Variants in SKOR2 observed in about 807,000 individuals in gnomAD.
The protein encoded by SKOR2 is LBX1 corepressor 1-like protein.
Under a neutral mutation model 69.1 loss-of-function variants are expected in SKOR2, and 47 were observed. The ratio of observed to expected loss-of-function variants is 0.68; its 90% CI spans 0.54 to 0.87. The LOEUF (loss-of-function observed/expected upper bound fraction) is 0.87, where lower values mean the gene tolerates loss of function less well. Ranked by LOEUF, SKOR2 falls within the 40% of genes least tolerant of loss-of-function variation. The pLI is 0.00. For missense variants in SKOR2, 1,404 were observed against 1,472.2 expected, an observed-to-expected ratio of 0.95 and a Z score of 0.76; for synonymous variants, 717 against 672.6, an observed-to-expected ratio of 1.07 and a Z score of -1.02.
chr18:47,236,750 T>C (rs983503692), intron 4 of SKOR2, among the ~76,000 whole-genome samples: 1 of 152,144 alleles, frequency 6.6e-6, no homozygotes, highest in African/African-American at 2.4e-5. Flanking sequence ...AAAACAGATA[T>C]TGTCTAAGCC....
chr18:47,216,492 C>A (rs1040008688), intron 7 of SKOR2, among the ~76,000 whole-genome samples: 4 of 152,054 alleles, frequency 2.6e-5, no homozygotes, highest in Non-Finnish European at 4.4e-5. Flanking sequence ...TATAAAGACA[C>A]AAAGAGAGTC....
intron 4 of SKOR2, among the ~76,000 whole-genome samples, chr18:47,237,832 G>A (rs2064231293): frequency 6.6e-6 from 1 of 151,666 alleles, no homozygotes; most frequent in Non-Finnish European, 1.5e-5. Flanking sequence ...GAGTAGCTGT[G>A]CCACTATGCC....
intron 4 of SKOR2, among the ~76,000 whole-genome samples, chr18:47,240,699 AATG>A (rs1452021363): frequency 6.6e-6 from 1 of 152,236 alleles, no homozygotes; most frequent in African/African-American, 2.4e-5. Context: ...ACTTAATTAA[AATG>A]ATGAACTAAA....
At chr18:47,241,922 A>C (rs991921849) in intron 4 of SKOR2, among the ~76,000 whole-genome samples, 4 of 152,178 alleles carry the variant, frequency 2.6e-5, no homozygotes, top group African/African-American at 9.6e-5. Context: ...AGGGACTAGC[A>C]ATATTTCAAT....
chr18:47,237,638 T>C (rs2064229912), intron 4 of SKOR2, among the ~76,000 whole-genome samples: 1 of 152,096 alleles, frequency 6.6e-6, no homozygotes. Context: ...AAATGTGGCA[T>C]TCACCCATCC....
At chr18:47,234,772 A>G (rs944818863) in intron 4 of SKOR2, among the ~76,000 whole-genome samples, 2 of 151,514 alleles carry the variant, frequency 1.3e-5, no homozygotes, top group Non-Finnish European at 2.9e-5. Context: ...GAGGTAGGAG[A>G]ATCGCTTGAA....
chr18:47,250,078 T>C (rs2064305998), intron 1 of SKOR2, among the ~76,000 whole-genome samples: 1 of 152,144 alleles, frequency 6.6e-6, no homozygotes, highest in Non-Finnish European at 1.5e-5. Context: ...CCAGAAACAG[T>C]ACACAGGAAT....
intron 8 of SKOR2, among the ~76,000 whole-genome samples, chr18:47,210,841 G>A (rs2144473551): frequency 6.6e-6 from 1 of 151,968 alleles, no homozygotes; most frequent in East Asian, 1.9e-4. Context: ...TTAGGAAGAG[G>A]CAGGCACTAG....
rs1459601526 is a variant in SKOR2, at chr18:47,248,271, G to A, written c.913C>T (p.His305Tyr). ...LAELAGAPHA[H>Y]HKRPRFDDDD... ...TCGTCGAAGCGCGGCCGCTTGTGAT[G>A]GGCGTGCGGGGCACCAGCCAGCTCT... is the stretch of plus-strand genomic sequence containing the variant. Residue 305 changes from histidine to tyrosine, a missense_variant, in exon 2 of 9, where the codon CAT becomes TAT. By Grantham distance (83) the His-to-Tyr change is moderately conservative. Coordinates refer to ENST00000425639, the MANE Select transcript of SKOR2 (RefSeq NM_001278063.4). The surrounding 1 kb of genome is among the most constrained non-coding windows in gnomAD (Gnocchi z 6.4). The A allele has an allele frequency of 3.3e-6, 4 of 1,216,882 alleles. No homozygotes were observed. Among genetic ancestry groups the A allele is most frequent in the Non-Finnish European group, 4.1e-6 (4 of 980,462 alleles). 75.4% of individuals were successfully genotyped at this position (1,216,882 alleles called of 1,614,324 possible).
Position 47,248,736 on chromosome 18 carries a change from C to G in SKOR2, c.448G>C (p.Glu150Gln). 6.4e-7 allele frequency: 1 copy of G among 1,552,892 alleles called. No homozygotes were observed. Among genetic ancestry groups the G allele is most frequent in the South Asian group, 1.2e-5 (1 of 85,434 alleles). ...CTGCCGCGGCAGCCCCAGGCGCACTCGTGTGACACGTCGAAGGCGAAATTG... is the reference window on the plus strand; with the variant it reads ...CTGCCGCGGCAGCCCCAGGCGCACTGGTGTGACACGTCGAAGGCGAAATTG... Reference protein sequence around the residue: ...PDNFAFDVSHECAWGCRGSFI... With the variant: ...PDNFAFDVSHQCAWGCRGSFI... The change falls in exon 2 of 9, where the codon GAG (glutamate) becomes CAG (glutamine). Residue 150 changes from glutamate to glutamine, a missense_variant. By Grantham distance (29) the Glu-to-Gln change is conservative (BLOSUM62 2). Transcript: ENST00000425639. The surrounding 1 kb of genome is among the most constrained non-coding windows in gnomAD (Gnocchi z 6.4).
chr18:47,247,639 C>T lies in SKOR2; in HGVS notation c.1545G>A (p.Glu515=). 7.4e-7 allele frequency: 1 copy of T among 1,350,880 alleles called. No individual in the cohort carries two copies. Among genetic ancestry groups the T allele is most frequent in the East Asian group, 3.1e-5 (1 of 31,852 alleles). 83.7% of individuals were successfully genotyped at this position (1,350,880 alleles called of 1,614,324 possible). Residue 515 remains glutamate (E), a synonymous_variant, in exon 2 of 9, where the codon GAG becomes GAA. Coordinates refer to ENST00000425639, the MANE Select transcript of SKOR2 (RefSeq NM_001278063.4). This position sits in a 1 kb window ranked among gnomAD's most constrained non-coding sequence, Gnocchi z 6.6. ...CGGCGCTCCCAGCAGCACCGCCTGGCTCAGCCAGGTCCAGGAAGGCCTGGC... is the reference window on the plus strand; with the variant it reads ...CGGCGCTCCCAGCAGCACCGCCTGGTTCAGCCAGGTCCAGGAAGGCCTGGC... ...LLRQAFLDLA[E]PGGAAGSAEA... is the part of the protein sequence containing the mutation.
intron 3 of SKOR2, 112 bp downstream of exon 3, chr18:47,245,386 G>C: frequency 8.1e-6 from 8 of 982,158 alleles, no homozygotes; most frequent in Non-Finnish European, 1.1e-5. Context: ...CAAATCAATG[G>C]TTAAAAACAG....
At chr18:47,209,147 A>T (rs1297031466) in intron 8 of SKOR2, among the ~76,000 whole-genome samples, 1 of 150,696 alleles carries the variant, frequency 6.6e-6, no homozygotes, top group Admixed American at 6.6e-5. Flanking sequence ...GTTCTAATGT[A>T]GGACAAAAAA....
intron 4 of SKOR2, 108 bp from the exon 5 acceptor site, chr18:47,231,108 TG>T (rs1429545708): frequency 1.9e-5 from 29 of 1,535,718 alleles, no homozygotes; most frequent in Non-Finnish European, 2.4e-5. Context: ...TAATATAACC[TG>T]AAATTGGAAG....
Position 47,247,341 on chromosome 18 carries a change from C to T in SKOR2, c.1843G>A (p.Gly615Ser). 6.8e-7 allele frequency: 1 copy of T among 1,473,988 alleles called. No homozygotes were observed. 91.3% of individuals were successfully genotyped at this position (1,473,988 alleles called of 1,614,324 possible). A position where few individuals can be genotyped will look rare whatever the true frequency, so the allele number is the denominator to read the frequency against. Reference sequence around the variant, plus strand: ...GCGCTGGAATGGTGGTAGCTGCCACCGCCCGCTTTGCGCCCCTCCAGAAGG... The same window carrying T: ...GCGCTGGAATGGTGGTAGCTGCCACTGCCCGCTTTGCGCCCCTCCAGAAGG... ...PHLLEGRKAG[G>S]GSYHHSSAFR... is the part of the protein sequence containing the mutation. Residue 615 changes from glycine to serine, a missense_variant, in exon 2 of 9, where the codon GGT (glycine) becomes AGT (serine). Gly to Ser is a moderately conservative substitution (Grantham distance 56, BLOSUM62 0). Around this residue, in one of 3 missense-constraint regions of SKOR2, gnomAD observed 1,266 missense variants for 1,309.9 expected, o/e 0.97. Coordinates refer to ENST00000425639, the MANE Select transcript of SKOR2 (RefSeq NM_001278063.4). This position sits in a 1 kb window ranked among gnomAD's most constrained non-coding sequence, Gnocchi z 6.6.
intron 4 of SKOR2, among the ~76,000 whole-genome samples, chr18:47,243,585 A>G (rs974032213): frequency 2.0e-5 from 3 of 152,174 alleles, no homozygotes; most frequent in Non-Finnish European, 2.9e-5. Context: ...TTCAGGCCTC[A>G]ATTTTGTGAA....
Position 47,247,205 on chromosome 18 carries a change from GGGTGGTGAT to G in SKOR2, c.1970_1978del (p.His657_His659del), listed in dbSNP as rs2064281979. 1 of 1,417,006 alleles carries G rather than the reference GGGTGGTGAT, an allele frequency of 7.1e-7. No homozygotes were observed. Among genetic ancestry groups the G allele is most frequent in the Non-Finnish European group, 9.2e-7 (1 of 1,087,182 alleles). The allele number at this position is 1,417,006 out of a possible 1,614,324, so 87.8% of individuals were successfully genotyped here. ...GTGGTGGTGGTGGTGGTGGTGGTGA[GGGTGGTGAT>G]GGTGGTGGGGATGCGTCTGGGCCGA... On this transcript the variant is annotated inframe_deletion, in exon 2 of 9. Coordinates refer to ENST00000425639, the MANE Select transcript of SKOR2 (RefSeq NM_001278063.4). The surrounding 1 kb of genome is among the most constrained non-coding windows in gnomAD (Gnocchi z 6.6).
At chr18:47,237,699 CTTTT>C (rs398041372) in intron 4 of SKOR2, among the ~76,000 whole-genome samples, 8 of 134,542 alleles carry the variant, frequency 5.9e-5, no homozygotes, top group Admixed American at 7.5e-5. Context: ...TTTTCTTTTT[CTTTT>C]TTTTTTTTTT....
At chr18:47,236,034 G>A (rs1026549632) in intron 4 of SKOR2, among the ~76,000 whole-genome samples, 2 of 152,104 alleles carry the variant, frequency 1.3e-5, no homozygotes, top group African/African-American at 2.4e-5. Context: ...ACCCAGGCTG[G>A]AGCGCACTCA....
Sources: gnomAD v4.1 joint callset for allele counts (sites outside exome capture counted in the v4.1 genomes callset) on GRCh38, gnomAD v4.1.1 for gene constraint, gnomAD v4.1.1 regional missense constraint, Gnocchi (gnomAD v3.1) non-coding constraint, MANE v1.5 for transcripts, NCBI Gene and HGNC (gene_info 2026-07-23, HGNC 2026-07-21) for gene names.